Variants in NAV2 observed in about 807,000 individuals in gnomAD.
The protein encoded by NAV2 is neuron navigator 2.
A neutral mutation model predicts 223.2 loss-of-function variants in NAV2; 54 were observed. The observed-to-expected ratio is 0.24, with a 90% confidence interval of 0.19 to 0.30. The LOEUF is 0.30. Among genes scored for constraint, NAV2 ranks in the 10% least tolerant of loss-of-function variants. NAV2 has a pLI of 1.00. For synonymous variants in NAV2, 1,279 were observed against 1,239.3 expected, an observed-to-expected ratio of 1.03 and a Z score of -0.67; for missense variants, 2,806 against 3,147.5, an observed-to-expected ratio of 0.89 and a Z score of 2.60.
intron 1 of NAV2, among the ~76,000 whole-genome samples, chr11:19,523,782 T>C (rs1321415837): frequency 6.6e-6 from 1 of 152,202 alleles, no homozygotes; most frequent in African/African-American, 2.4e-5. Context: ...TCCAGCATCC[T>C]CACTCTCTAT....
chr11:19,382,083 TG>T (rs1230343797), intron 1 of NAV2, among the ~76,000 whole-genome samples: 1 of 152,158 alleles, frequency 6.6e-6, no homozygotes, highest in Non-Finnish European at 1.5e-5. Context: ...TCCAGGGGGC[TG>T]CCTTATGTGC....
chr11:19,349,998 C>T (rs1450110800), upstream of NAV2, among the ~76,000 whole-genome samples: 2 of 152,090 alleles, frequency 1.3e-5, no homozygotes, highest in Non-Finnish European at 1.5e-5. Flanking sequence ...CTGCCTCCTG[C>T]AGCTGTAATT....
chr11:19,754,772 C>T (rs2054105291), intron 1 of NAV2, among the ~76,000 whole-genome samples: 1 of 152,196 alleles, frequency 6.6e-6, no homozygotes, highest in African/African-American at 2.4e-5. Context: ...TTGTAGAGGA[C>T]ATGGAGGATT....
At chr11:20,033,333 C>T (rs542751099) in intron 11 of NAV2, among the ~76,000 whole-genome samples, 34 of 152,246 alleles carry the variant, frequency 2.2e-4, no homozygotes, top group African/African-American at 7.0e-4. Context: ...TATATTTGGA[C>T]GATAGGACGG....
upstream of NAV2, among the ~76,000 whole-genome samples, chr11:19,709,087 C>A (rs1244491900): frequency 1.3e-5 from 2 of 151,808 alleles, no homozygotes; most frequent in African/African-American, 4.8e-5. Flanking sequence ...AACTTATAGG[C>A]CGTTTTTATA....
At chr11:19,582,454 G>A (rs1056131475) in intron 1 of NAV2, among the ~76,000 whole-genome samples, 5 of 152,204 alleles carry the variant, frequency 3.3e-5, no homozygotes, top group Non-Finnish European at 7.3e-5. Context: ...CTTATGTCCT[G>A]AATGGTATTG....
intron 1 of NAV2, among the ~76,000 whole-genome samples, chr11:19,784,964 C>T (rs1030582701): frequency 6.6e-6 from 1 of 152,062 alleles, no homozygotes; most frequent in Non-Finnish European, 1.5e-5. Flanking sequence ...TGAGGATATA[C>T]AAGGTGGATT....
chr11:19,456,621 C>T lies in NAV2; in HGVS notation c.75+105594C>T, dbSNP rs564823545. Among the ~76,000 whole-genome samples, 14 of 152,260 alleles carry T rather than the reference C, an allele frequency of 9.2e-5. 2 individuals carry two copies. The highest frequency in any genetic ancestry group is 2.9e-4 in the African/African-American group (12 of 41,544). ...CTTTCCCTTTGCAGATGCTACTGAC[C>T]CCAGCATCATCAAGTCAACCCCAAG... is the stretch of plus-strand genomic sequence containing the variant. On this transcript the variant is annotated intron_variant, in intron 1 of 37. Coordinates refer to the NAV2 transcript ENST00000360655.
At chr11:19,475,523 G>C (rs1385850891) in intron 1 of NAV2, among the ~76,000 whole-genome samples, 1 of 152,160 alleles carries the variant, frequency 6.6e-6, no homozygotes, top group Non-Finnish European at 1.5e-5. Context: ...TTACAGGCTG[G>C]TATCACATTA....
At chr11:19,427,254 C>T (rs41365848) in intron 1 of NAV2, among the ~76,000 whole-genome samples, 5,245 of 152,344 alleles carry the variant, frequency 0.034, 140 homozygotes, top group Non-Finnish European at 0.052. Flanking sequence ...AATACTCTCA[C>T]ACTTGACGTG....
At chr11:19,992,495 A>G (rs1283461872) in intron 11 of NAV2, among the ~76,000 whole-genome samples, 1 of 152,186 alleles carries the variant, frequency 6.6e-6, no homozygotes, top group Non-Finnish European at 1.5e-5. Context: ...AATGTTGCCC[A>G]ACTTCATAAC....
intron 4 of NAV2, among the ~76,000 whole-genome samples, chr11:19,872,477 C>T (rs2062574619): frequency 6.6e-6 from 1 of 152,256 alleles, no homozygotes; most frequent in East Asian, 1.9e-4. Context: ...ATGTTTCTAT[C>T]CACCTGCATA....
At chr11:20,003,582 C>T (rs1447262479) in intron 11 of NAV2, among the ~76,000 whole-genome samples, 1 of 152,078 alleles carries the variant, frequency 6.6e-6, no homozygotes, top group Non-Finnish European at 1.5e-5. Context: ...ACCCACTTCC[C>T]TCCATCTCTA....
chr11:20,090,396 G>T (rs935720166), intron 26 of NAV2, among the ~76,000 whole-genome samples: 10 of 151,978 alleles, frequency 6.6e-5, no homozygotes, highest in Non-Finnish European at 1.2e-4. Flanking sequence ...TTGCTGAAAG[G>T]CACACCAAAG....
intron 1 of NAV2, among the ~76,000 whole-genome samples, chr11:19,551,119 C>T (rs1025490423): frequency 5.3e-5 from 8 of 152,266 alleles, no homozygotes; most frequent in African/African-American, 1.7e-4. Context: ...AGCACTGGCT[C>T]GCCCTTGCAT....
At chr11:19,876,808 T>TA (rs1191575533) in intron 4 of NAV2, among the ~76,000 whole-genome samples, 62 of 144,392 alleles carry the variant, frequency 4.3e-4, no homozygotes, top group South Asian at 6.6e-4. Context: ...CTTGCATGGT[T>TA]AAAAAAAAAA....
intron 31 of NAV2, among the ~76,000 whole-genome samples, chr11:20,099,559 C>T (rs2153696698): frequency 6.6e-6 from 1 of 152,296 alleles, no homozygotes; most frequent in Non-Finnish European, 1.5e-5. Context: ...GGGATCAGCT[C>T]AGGTTTATTT....
rs150149923 is a variant in NAV2, at chr11:19,416,566, G to T, written c.75+65539G>T. ...ATGCTATCCCCATCAAGCTACCATTGACTTTCTTCACAGAATTAGAAAAAA... is the reference window on the plus strand; with the variant it reads ...ATGCTATCCCCATCAAGCTACCATTTACTTTCTTCACAGAATTAGAAAAAA... On this transcript the variant is annotated intron_variant, in intron 1 of 37. Coordinates refer to the NAV2 transcript ENST00000360655. Among the ~76,000 whole-genome samples, 599 of 152,232 alleles carry T rather than the reference G, an allele frequency of 3.9e-3. 6 individuals carry two copies. Among genetic ancestry groups the T allele is most frequent in the African/African-American group, 0.014 (563 of 41,546 alleles).
intron 1 of NAV2, among the ~76,000 whole-genome samples, chr11:19,581,728 G>T (rs2045724890): frequency 6.6e-6 from 1 of 152,182 alleles, no homozygotes; most frequent in Non-Finnish European, 1.5e-5. Flanking sequence ...GTATTCCATG[G>T]TGTATATGTG....
Sources: allele counts gnomAD v4.1 joint callset (sites outside exome capture counted in the v4.1 genomes callset), GRCh38; gene constraint gnomAD v4.1.1; transcripts MANE v1.5; gene names NCBI Gene and HGNC (gene_info 2026-07-23, HGNC 2026-07-21).